The following IFNLR1 variants were observed in gnomAD, a reference collection of about 807,000 sequenced individuals.
IFNLR1 encodes the protein CRF2-12.
Under a neutral mutation model 52.5 loss-of-function variants are expected in IFNLR1, and 28 were observed. The ratio of observed to expected loss-of-function variants is 0.53; its 90% CI spans 0.40 to 0.73. The LOEUF (loss-of-function observed/expected upper bound fraction) is 0.73, where lower values mean the gene tolerates loss of function less well. Ranked by LOEUF, IFNLR1 falls within the 30% of genes least tolerant of loss-of-function variation. IFNLR1 has a pLI of 0.00. For synonymous variants in IFNLR1, 276 were observed against 274.9 expected (o/e 1.00, Z -0.04); for missense variants, 623 against 659.1 (o/e 0.95, Z 0.60).
intron 1 of IFNLR1, 90 bp downstream of exon 1, chr1:24,187,101 G>T: frequency 3.6e-6 from 3 of 842,720 alleles, no homozygotes; most frequent in South Asian, 2.4e-5. Context: ...CGGACCCCGT[G>T]CCTGTCCCAG....
In IFNLR1 at chr1:24,157,578, G is replaced by A; in HGVS notation, c.1115C>T (p.Ala372Val). The A allele has an allele frequency of 6.2e-7, 1 of 1,611,918 alleles. No individual in the cohort carries two copies. Among genetic ancestry groups the A allele is most frequent in the South Asian group, 1.1e-5 (1 of 90,676 alleles). ...GGAGCCTTCGCTTGGGACCAGAGGA[G>A]CCCTGGGCCTCCCTGAGTCCACCCC... ...AGGVDSGRPRAPLVPSEGSSA... is the reference protein window; with the variant it reads ...AGGVDSGRPRVPLVPSEGSSA... The change falls in exon 7 of 7, where the codon GCT (alanine) becomes GTT (valine). Residue 372 changes from alanine (A) to valine (V), a missense_variant. Ala to Val is a moderately conservative substitution (Grantham distance 64). Coordinates refer to ENST00000327535, the MANE Select transcript of IFNLR1 (RefSeq NM_170743.4). This position sits in a 1 kb window ranked among gnomAD's most constrained non-coding sequence, Gnocchi z 5.1.
At chr1:24,177,604 G>A (rs571594566) in intron 2 of IFNLR1, among the ~76,000 whole-genome samples, 1 of 152,320 alleles carries the variant, frequency 6.6e-6, no homozygotes. Flanking sequence ...CACTGAGTGA[G>A]GACGAGTCTT....
Position 24,159,547 on chromosome 1 carries a change from T to G in IFNLR1, c.597A>C (p.Arg199Ser). 1 of 1,613,754 alleles carries G rather than the reference T, an allele frequency of 6.2e-7. No homozygotes were observed. The highest frequency in any genetic ancestry group is 8.5e-7 in the Non-Finnish European group (1 of 1,179,906). Residue 199 changes from arginine (R) to serine (S), a missense_variant, in exon 5 of 7, where the codon AGA becomes AGC. Transcript: ENST00000327535. ...AASEHHCLSA[R>S]TIYTFSVPKY... ...TCGGGACACTGAACGTGTAGATGGT[T>G]CTGGCACTGAGGCAGTGGTGTTCGC... is the stretch of plus-strand genomic sequence containing the variant.
intron 2 of IFNLR1, among the ~76,000 whole-genome samples, chr1:24,175,986 T>G (rs905181444): frequency 3.3e-5 from 5 of 150,718 alleles, no homozygotes; most frequent in African/African-American, 1.2e-4. Flanking sequence ...GGTGAATGTA[T>G]TTTGCATATG....
Position 24,157,747 on chromosome 1 carries a change from T to G in IFNLR1, c.946A>C (p.Thr316Pro), listed in dbSNP as rs570292636. ...TCTGCAAGGTCCTTCTTCCATCTTGTCTGTTGGGTGGCTGGGGCCCTGACT... is the reference window on the plus strand; with the variant it reads ...TCTGCAAGGTCCTTCTTCCATCTTGGCTGTTGGGTGGCTGGGGCCCTGACT... ...PRVRAPATQQ[T>P]RWKKDLAEDE... The change falls in exon 7 of 7, where the codon ACA (threonine) becomes CCA (proline). Residue 316 changes from threonine (T) to proline (P), a missense_variant. Physicochemically the swap from Thr to Pro is conservative, Grantham distance 38. Coordinates refer to ENST00000327535, the MANE Select transcript of IFNLR1 (RefSeq NM_170743.4). The surrounding 1 kb of genome is among the most constrained non-coding windows in gnomAD (Gnocchi z 5.1). 1 of 1,614,082 alleles carries G rather than the reference T, an allele frequency of 6.2e-7. No individual in the cohort carries two copies. The highest frequency in any genetic ancestry group is 8.5e-7 in the Non-Finnish European group (1 of 1,180,046).
chr1:24,187,143 G>T (rs1297413946), intron 1 of IFNLR1, 48 bp downstream of exon 1: 2 of 1,251,386 alleles, frequency 1.6e-6, no homozygotes, highest in Non-Finnish European at 2.1e-6. Flanking sequence ...GCGCGGCCCG[G>T]CCCGGGGAGC....
In IFNLR1 at chr1:24,159,089, T is replaced by G. The variant is rs772543594; in HGVS notation, c.764A>C (p.Asn255Thr). ...CATCTTTGCCCGCTGAAACCAGGGG[T>G]TCCCCATGAGGGTCTTCCAGATCAC... ...GGVIWKTLMG[N>T]PWFQRAKMPR... The change falls in exon 6 of 7, where the codon AAC becomes ACC. Residue 255 changes from asparagine to threonine, a missense_variant. Physicochemically the swap from Asn to Thr is moderately conservative, Grantham distance 65. Coordinates refer to ENST00000327535, the MANE Select transcript of IFNLR1 (RefSeq NM_170743.4). 5 of 1,613,850 alleles carry G rather than the reference T, an allele frequency of 3.1e-6. No individual in the cohort carries two copies. Among genetic ancestry groups the G allele is most frequent in the Non-Finnish European group, 4.2e-6 (5 of 1,180,012 alleles).
intron 1 of IFNLR1, among the ~76,000 whole-genome samples, chr1:24,181,266 G>T (rs1440809486): frequency 6.6e-6 from 1 of 152,210 alleles, no homozygotes; most frequent in Non-Finnish European, 1.5e-5. Context: ...TACACCAAAG[G>T]CTTCCTGACC....
intron 3 of IFNLR1, among the ~76,000 whole-genome samples, chr1:24,168,028 A>G (rs1160586866): frequency 1.3e-5 from 2 of 151,958 alleles, no homozygotes; most frequent in East Asian, 1.9e-4. Flanking sequence ...TATATATCCT[A>G]TTGGTTCAGT....
chr1:24,166,459 C>T (rs1315511492), intron 3 of IFNLR1, among the ~76,000 whole-genome samples: 2 of 152,084 alleles, frequency 1.3e-5, no homozygotes, highest in South Asian at 4.2e-4. Context: ...CCCTTCCTTC[C>T]CTGCCTGGAT....
intron 1 of IFNLR1, 110 bp downstream of exon 1, chr1:24,187,081 C>G (rs563985814): frequency 4.7e-6 from 3 of 631,690 alleles, no homozygotes; most frequent in South Asian, 6.2e-5. Flanking sequence ...GCACCCGGCT[C>G]GGGTGGCTGC....
chr1:24,157,052 CTT>C lies in IFNLR1; in HGVS notation c.*76_*77del. On this transcript the variant is annotated 3_prime_UTR_variant, in exon 7 of 7. Coordinates refer to ENST00000327535, the MANE Select transcript of IFNLR1 (RefSeq NM_170743.4). The surrounding 1 kb of genome is among the most constrained non-coding windows in gnomAD (Gnocchi z 5.1). ...GCCGCCCAGGGGAGGTACGGAGGCT[CTT>C]GAGTTTCTTGGGAAGCCCAGTAGTC... is the stretch of plus-strand genomic sequence containing the variant. The C allele has an allele frequency of 6.7e-7, 1 of 1,503,086 alleles. No individual in the cohort carries two copies. Among genetic ancestry groups the C allele is most frequent in the African/African-American group, 1.4e-5 (1 of 71,522 alleles). The allele number at this position is 1,503,086 out of a possible 1,614,324, so 93.1% of individuals were successfully genotyped here.
At position 24,169,380 on chromosome 1, in the gene IFNLR1, G is replaced by C. The variant is rs77755403; in HGVS notation, c.367+37C>G. ...CTGAGCACAGCTCCCCGATGGGATGGACAGCCTTCCACTCAGTCCCTTACC... is the reference window on the plus strand; with the variant it reads ...CTGAGCACAGCTCCCCGATGGGATGCACAGCCTTCCACTCAGTCCCTTACC... On this transcript the variant is annotated intron_variant, in intron 3 of 6. Transcript: ENST00000327535. The C allele has an allele frequency of 1.8e-3, 2,808 of 1,578,840 alleles. 44 individuals are homozygous for C. The African/African-American group carries it at 0.035, about 20-fold the overall frequency.
chr1:24,162,732 CTT>C (rs1188653472), intron 3 of IFNLR1, among the ~76,000 whole-genome samples: 4 of 17,748 alleles, frequency 2.3e-4, no homozygotes, highest in East Asian at 8.5e-3. Context: ...TCTTTTCTTT[CTT>C]TCTTTCTTTC....
chr1:24,180,978 A>G, intron 1 of IFNLR1, 124 bp from the exon 2 acceptor site: 1 of 981,754 alleles, frequency 1.0e-6, no homozygotes, highest in South Asian at 1.7e-5. Context: ...ACCAGGAGCC[A>G]CTGACTGGCT....
At chr1:24,182,886 C>T (rs1020529243) in intron 1 of IFNLR1, among the ~76,000 whole-genome samples, 2 of 152,008 alleles carry the variant, frequency 1.3e-5, no homozygotes, top group Non-Finnish European at 2.9e-5. Context: ...CACCACTGTA[C>T]TCCAGCCTGG....
At chr1:24,179,771 A>G (rs1349845644) in intron 2 of IFNLR1, among the ~76,000 whole-genome samples, 1 of 152,206 alleles carries the variant, frequency 6.6e-6, no homozygotes, top group Non-Finnish European at 1.5e-5. Context: ...GGCCTGGCAC[A>G]GGACGGGTCC....
intron 3 of IFNLR1, among the ~76,000 whole-genome samples, chr1:24,165,080 T>C (rs546806865): frequency 6.6e-6 from 1 of 152,302 alleles, no homozygotes; most frequent in East Asian, 1.9e-4. Context: ...CTTAATTTTA[T>C]TGTTTTTTGC....
At chr1:24,183,383 A>C in intron 1 of IFNLR1, among the ~76,000 whole-genome samples, 1 of 152,144 alleles carries the variant, frequency 6.6e-6, no homozygotes, top group East Asian at 1.9e-4. Flanking sequence ...GAATCATTTG[A>C]GACCAGGAAT....
Sources: gnomAD v4.1 joint callset for allele counts (sites outside exome capture counted in the v4.1 genomes callset) on GRCh38, gnomAD v4.1.1 for gene constraint, Gnocchi (gnomAD v3.1) non-coding constraint, MANE v1.5 for transcripts, NCBI Gene and HGNC (gene_info 2026-07-23, HGNC 2026-07-21) for gene names.